The following NBAS variants were observed in gnomAD, a reference collection of about 807,000 sequenced individuals.
The protein encoded by NBAS is NAG/BC035112 fusion.
A neutral mutation model predicts 302.5 loss-of-function variants in NBAS; 219 were observed. The ratio of observed to expected loss-of-function variants is 0.72; its 90% CI spans 0.65 to 0.81. NBAS has a LOEUF of 0.81. NBAS is among the 30% of genes least tolerant of loss of function. The probability of loss-of-function intolerance (pLI) is 0.00; values close to 1 mark genes in which losing one functional copy is unlikely to be tolerated. For missense variants in NBAS, 2,932 were observed against 2,841.6 expected, an observed-to-expected ratio of 1.03 and a Z score of -0.72; for synonymous variants, 1,118 against 1,021.6, an observed-to-expected ratio of 1.09 and a Z score of -1.80.
At chr2:15,391,418 A>G (rs1334833050) in intron 28 of NBAS, among the ~76,000 whole-genome samples, 1 of 152,088 alleles carries the variant, frequency 6.6e-6, no homozygotes, top group Non-Finnish European at 1.5e-5. Flanking sequence ...TGAATGTACA[A>G]ATTGATGAGA....
intron 44 of NBAS, among the ~76,000 whole-genome samples, chr2:15,261,201 C>T (rs1021692733): frequency 1.6e-4 from 24 of 152,318 alleles, no homozygotes; most frequent in African/African-American, 5.8e-4. Context: ...GTGCTGATGC[C>T]AAATGCTGTG....
chr2:15,247,704 C>CTA (rs1668161350), intron 44 of NBAS, among the ~76,000 whole-genome samples: 1 of 37,470 alleles, frequency 2.7e-5, no homozygotes, highest in African/African-American at 4.2e-4. Flanking sequence ...ATATATCTCT[C>CTA]TATATATATC....
At chr2:15,556,640 T>C in intron 3 of NBAS, 143 bp downstream of exon 3, 1 of 760,270 alleles carries the variant, frequency 1.3e-6, no homozygotes, top group Non-Finnish European at 2.3e-6. Context: ...TACCTAAATG[T>C]TTGAAATGTC....
In NBAS at chr2:15,192,234, A is replaced by ATT. The variant is rs56108047; in HGVS notation, c.6433-1833_6433-1832dup. 7.2e-5 allele frequency among the ~76,000 whole-genome samples: 10 copies of ATT among 138,650 alleles called. No individual in the cohort carries two copies. The East Asian group carries it at 8.4e-4, about 12-fold the overall frequency. 91.0% of individuals were successfully genotyped at this position (138,650 alleles called of 152,430 possible). ...TGTTAGCTCCTTGAAAGAAGAGGCT[A>ATT]TTTTTTTTTTTTTTTTGTCCACTGG... On this transcript the variant is annotated intron_variant, in intron 48 of 51. Transcript: ENST00000281513.
the NBAS span, among the ~76,000 whole-genome samples, chr2:15,048,190 T>C: frequency 1.3e-5 from 2 of 152,108 alleles, no homozygotes; most frequent in African/African-American, 4.8e-5. Context: ...AGCTGGCACA[T>C]GGAATAAAAT....
chr2:15,340,769 GT>G (rs1205603710), intron 35 of NBAS, among the ~76,000 whole-genome samples: 1 of 152,126 alleles, frequency 6.6e-6, no homozygotes, highest in African/African-American at 2.4e-5. Flanking sequence ...GCAGTGGCCA[GT>G]GAGGTCTGAG....
At chr2:15,247,699 T>C (rs375324295) in intron 44 of NBAS, among the ~76,000 whole-genome samples, 1 of 55,186 alleles carries the variant, frequency 1.8e-5, no homozygotes, top group Non-Finnish European at 2.9e-5. Flanking sequence ...TATCTATATA[T>C]CTCTCTATAT....
chr2:15,319,749 A>G (rs935535148), intron 38 of NBAS, among the ~76,000 whole-genome samples: 1 of 152,184 alleles, frequency 6.6e-6, no homozygotes, highest in African/African-American at 2.4e-5. Context: ...TTGAGGCAAT[A>G]ATTAACAGCC....
the NBAS span, among the ~76,000 whole-genome samples, chr2:14,887,533 G>A: frequency 0.011 from 1,612 of 152,192 alleles, 26 homozygotes; most frequent in African/African-American, 0.034. Flanking sequence ...GTCCTTTGCC[G>A]TATCACAGCT....
At chr2:15,198,481 G>C (rs1331082816) in intron 48 of NBAS, among the ~76,000 whole-genome samples, 1 of 152,120 alleles carries the variant, frequency 6.6e-6, no homozygotes. Context: ...GAGAAGACTG[G>C]GTAGAGATGA....
At chr2:15,240,576 C>A (rs79832989) in intron 44 of NBAS, among the ~76,000 whole-genome samples, 1 of 151,932 alleles carries the variant, frequency 6.6e-6, no homozygotes, top group Non-Finnish European at 1.5e-5. Context: ...GAGATCGCAC[C>A]GCTGCACTCC....
the NBAS span, among the ~76,000 whole-genome samples, chr2:15,002,155 A>T: frequency 6.6e-6 from 1 of 152,028 alleles, no homozygotes; most frequent in Non-Finnish European, 1.5e-5. Context: ...AGCTAGATAC[A>T]GTGTTGATTG....
intron 9 of NBAS, among the ~76,000 whole-genome samples, chr2:15,530,697 C>A (rs1203589305): frequency 6.6e-6 from 1 of 151,366 alleles, no homozygotes; most frequent in Non-Finnish European, 1.5e-5. Context: ...TTCTAAGAGA[C>A]CCTACATCTA....
chr2:15,379,840 A>C lies in NBAS; in HGVS notation c.3361-9T>G. 6.2e-7 allele frequency: 1 copy of C among 1,609,342 alleles called. No homozygotes were observed. Among genetic ancestry groups the C allele is most frequent in the Non-Finnish European group, 8.5e-7 (1 of 1,175,676 alleles). ...AGGCTTTCTGTAAATATCTGGAAAA[A>C]AGGAGAAACTGGAATTAGTTATAGA... On this transcript the variant is annotated splice_polypyrimidine_tract_variant and intron_variant, in intron 29 of 51. Transcript: ENST00000281513.
At chr2:15,012,142 T>C in the NBAS span, among the ~76,000 whole-genome samples, 1 of 152,102 alleles carries the variant, frequency 6.6e-6, no homozygotes, top group Admixed American at 6.5e-5. Flanking sequence ...CAGGAAAATA[T>C]TAAAGAATAC....
chr2:15,252,297 G>C (rs911300194), intron 44 of NBAS, among the ~76,000 whole-genome samples: 1 of 152,062 alleles, frequency 6.6e-6, no homozygotes, highest in Non-Finnish European at 1.5e-5. Context: ...TTGGGAGCTC[G>C]AGACCAGCAC....
chr2:15,375,794 A>C (rs550607086), intron 30 of NBAS, among the ~76,000 whole-genome samples: 16 of 152,184 alleles, frequency 1.1e-4, no homozygotes, highest in Non-Finnish European at 2.4e-4. Context: ...AATGAAAGAA[A>C]GCATACCAAA....
chr2:14,857,254 C>T, the NBAS span, among the ~76,000 whole-genome samples: 1 of 152,100 alleles, frequency 6.6e-6, no homozygotes, highest in Non-Finnish European at 1.5e-5. Context: ...CTATCCAAAA[C>T]AATCTACAGA....
At chr2:14,913,648 A>T in the NBAS span, among the ~76,000 whole-genome samples, 1 of 152,202 alleles carries the variant, frequency 6.6e-6, no homozygotes, top group Non-Finnish European at 1.5e-5. Context: ...TTTTGGAAAG[A>T]TAACCTGGCA....
Sources: gnomAD v4.1 joint callset for allele counts (sites outside exome capture counted in the v4.1 genomes callset) on GRCh38, gnomAD v4.1.1 for gene constraint, MANE v1.5 for transcripts, NCBI Gene and HGNC (gene_info 2026-07-23, HGNC 2026-07-21) for gene names.